UNC5C: variants seen among roughly 807,000 people sequenced by gnomAD.
UNC5C encodes netrin receptor UNC5C.
Under a neutral mutation model 99.8 loss-of-function variants are expected in UNC5C, and 47 were observed. The observed-to-expected ratio is 0.47, with a 90% CI of 0.37 to 0.60. UNC5C has a LOEUF of 0.60. UNC5C is among the 20% of genes least tolerant of loss of function. The pLI, the probability that UNC5C is intolerant of heterozygous loss-of-function variation, is 0.00. For missense variants in UNC5C, 1,062 were observed against 1,165.9 expected, an observed-to-expected ratio of 0.91 and a Z score of 1.30; for synonymous variants, 487 against 452.2, an observed-to-expected ratio of 1.08 and a Z score of -0.98.
chr4:95,320,282 T>C (rs1348038184), intron 2 of UNC5C, among the ~76,000 whole-genome samples: 1 of 151,128 alleles, frequency 6.6e-6, no homozygotes, highest in East Asian at 1.9e-4. Flanking sequence ...ATTAGCCCAG[T>C]GTGGTGGCGG....
chr4:95,231,381 T>C (rs570475135), intron 7 of UNC5C, among the ~76,000 whole-genome samples: 2 of 152,336 alleles, frequency 1.3e-5, no homozygotes, highest in East Asian at 3.9e-4. Flanking sequence ...GTTATGCATA[T>C]GACATAATGT....
At chr4:95,463,201 C>T (rs1434141919) in intron 1 of UNC5C, among the ~76,000 whole-genome samples, 1 of 152,052 alleles carries the variant, frequency 6.6e-6, no homozygotes, top group South Asian at 2.1e-4. Context: ...GGCTGCAGTG[C>T]CTAACTGTGA....
At chr4:95,439,522 C>A (rs752474972) in intron 1 of UNC5C, among the ~76,000 whole-genome samples, 2 of 151,910 alleles carry the variant, frequency 1.3e-5, no homozygotes, top group African/African-American at 4.8e-5. Context: ...AGAAATACTT[C>A]TGGAAACAAA....
intron 2 of UNC5C, among the ~76,000 whole-genome samples, chr4:95,327,455 T>A (rs147937413): frequency 1.2e-3 from 179 of 152,138 alleles, no homozygotes; most frequent in African/African-American, 4.1e-3. Flanking sequence ...CACCCCAGAC[T>A]CTGAGCTGTC....
chr4:95,177,261 CT>C (rs907642170), intron 14 of UNC5C, among the ~76,000 whole-genome samples: 7 of 152,164 alleles, frequency 4.6e-5, no homozygotes, highest in African/African-American at 1.7e-4. Flanking sequence ...CTGTCTCTCT[CT>C]TTTTAAAGCA....
intron 3 of UNC5C, among the ~76,000 whole-genome samples, chr4:95,286,899 G>C (rs1235188111): frequency 6.6e-6 from 1 of 152,148 alleles, no homozygotes; most frequent in South Asian, 2.1e-4. Context: ...TATGTTGTCA[G>C]CTACTTAAAA....
rs776778306 is a variant in UNC5C at position 95,245,000 on chromosome 4, A to G, written c.920T>C (p.Ile307Thr). ...AFCEGQSVQKIACTTLCPVDG... is the reference protein window; with the variant it reads ...AFCEGQSVQKTACTTLCPVDG... ...ACCTGGGCATAACGTAGTACAGGCTATTTTCTGCACACTCTGCCCTTCACA... is the reference window on the plus strand; with the variant it reads ...ACCTGGGCATAACGTAGTACAGGCTGTTTTCTGCACACTCTGCCCTTCACA... Residue 307 changes from isoleucine to threonine, a missense_variant, in exon 6 of 16, where the codon ATA becomes ACA. Coordinates refer to ENST00000453304, the MANE Select transcript of UNC5C (RefSeq NM_003728.4). The G allele has an allele frequency of 6.2e-7, 1 of 1,613,824 alleles. No individual in the cohort carries two copies. The highest frequency in any genetic ancestry group is 1.7e-5 in the Admixed American group (1 of 59,962).
intron 1 of UNC5C, among the ~76,000 whole-genome samples, chr4:95,344,684 G>A (rs1743704345): frequency 6.6e-6 from 1 of 151,940 alleles, no homozygotes; most frequent in African/African-American, 2.4e-5. Context: ...ACAACAAAAA[G>A]TTAAAAAGTC....
chr4:95,234,891 A>G (rs910090259), intron 7 of UNC5C, among the ~76,000 whole-genome samples: 4 of 152,230 alleles, frequency 2.6e-5, no homozygotes, highest in African/African-American at 7.2e-5. Context: ...ATATTTCACA[A>G]ATGAAATTAC....
intron 5 of UNC5C, 89 bp downstream of exon 5, chr4:95,250,397 AT>A (rs1267286260): frequency 2.9e-6 from 4 of 1,391,158 alleles, no homozygotes; most frequent in Admixed American, 2.2e-5. Flanking sequence ...ATAATATGAA[AT>A]TTTAAAAAAA....
intron 1 of UNC5C, among the ~76,000 whole-genome samples, chr4:95,356,882 T>C (rs1232755249): frequency 2.6e-5 from 4 of 152,192 alleles, no homozygotes; most frequent in Non-Finnish European, 5.9e-5. Flanking sequence ...TTAGAGTTGG[T>C]AAAACTGTCT....
intron 1 of UNC5C, among the ~76,000 whole-genome samples, chr4:95,483,215 T>C (rs1171320060): frequency 2.6e-5 from 4 of 151,630 alleles, no homozygotes; most frequent in African/African-American, 9.7e-5. Flanking sequence ...CACCAGCAAA[T>C]AATTCACCCA....
intron 10 of UNC5C, among the ~76,000 whole-genome samples, chr4:95,207,476 T>C: frequency 6.6e-6 from 1 of 152,310 alleles, no homozygotes; most frequent in African/African-American, 2.4e-5. Context: ...CTTTAATCTT[T>C]TCCCTAACAG....
chr4:95,481,153 C>T (rs1721139755), intron 1 of UNC5C, among the ~76,000 whole-genome samples: 1 of 151,976 alleles, frequency 6.6e-6, no homozygotes, highest in Non-Finnish European at 1.5e-5. Context: ...TAAGAAACTT[C>T]AGCAAAGTCT....
intron 2 of UNC5C, among the ~76,000 whole-genome samples, chr4:95,306,871 T>G (rs2149406296): frequency 6.6e-6 from 1 of 152,228 alleles, no homozygotes; most frequent in Admixed American, 6.5e-5. Context: ...AAGCTGCAGG[T>G]TGGGATGTTC....
chr4:95,211,154 A>G (rs1314166424), intron 10 of UNC5C, among the ~76,000 whole-genome samples: 1 of 152,160 alleles, frequency 6.6e-6, no homozygotes, highest in East Asian at 1.9e-4. Flanking sequence ...GGAACAGGAG[A>G]TGCCTTCTAG....
Position 95,201,889 on chromosome 4 carries a change from C to T in UNC5C, c.2136+842G>A, listed in dbSNP as rs184053075. 2.7e-3 allele frequency among the ~76,000 whole-genome samples: 415 copies of T among 152,312 alleles called. 5 individuals carry two copies. The highest frequency in any genetic ancestry group is 9.4e-3 in the African/African-American group (389 of 41,574). ...AAAGTGCTAGGATTACAGGCGTGAG[C>T]CACCACACCCGGCCGAGGGTCTTTA... On this transcript the variant is annotated intron_variant, in intron 12 of 15. Transcript: ENST00000453304.
chr4:95,422,672 G>A (rs761285494), intron 1 of UNC5C, among the ~76,000 whole-genome samples: 2 of 152,146 alleles, frequency 1.3e-5, no homozygotes, highest in East Asian at 3.9e-4. Flanking sequence ...GACCCACTGT[G>A]CAAAGATAAA....
At chr4:95,389,038 C>G in intron 1 of UNC5C, among the ~76,000 whole-genome samples, 1 of 151,936 alleles carries the variant, frequency 6.6e-6, no homozygotes, top group South Asian at 2.1e-4. Flanking sequence ...AAAAAGCTGC[C>G]CTAAGCATAT....
Sources: gnomAD v4.1 joint callset for allele counts (sites outside exome capture counted in the v4.1 genomes callset) on GRCh38, gnomAD v4.1.1 for gene constraint, MANE v1.5 for transcripts, NCBI Gene and HGNC (gene_info 2026-07-23, HGNC 2026-07-21) for gene names.